The following MAP4 variants were observed in gnomAD, a reference collection of about 807,000 sequenced individuals.
MAP4 encodes the protein microtubule-associated protein 4.
MAP4 carries 76 observed loss-of-function variants against 170.2 expected under a neutral mutation model. The ratio of observed to expected loss-of-function variants is 0.45; its 90% CI spans 0.37 to 0.54. MAP4 has a LOEUF of 0.54. Ranked by LOEUF, MAP4 falls within the 20% of genes least tolerant of loss-of-function variation. The pLI, the probability that MAP4 is intolerant of heterozygous loss-of-function variation, is 0.00. For synonymous variants in MAP4, 909 were observed against 994.5 expected, an observed-to-expected ratio of 0.91 and a Z score of 1.62; for missense variants, 2,506 against 2,748.0, an observed-to-expected ratio of 0.91 and a Z score of 1.97.
chr3:47,951,099 AATTTATAAAGGTTTTAAAATT>A (rs2100063448), intron 3 of MAP4, among the ~76,000 whole-genome samples: 1 of 152,198 alleles, frequency 6.6e-6, no homozygotes, highest in Non-Finnish European at 1.5e-5. Context: ...AAACTGCTTT[AATTTATAAAGGTTTTAAAATT>A]ACATTCTTTT....
chr3:47,972,354 A>T (rs2100079264), intron 3 of MAP4, among the ~76,000 whole-genome samples: 1 of 152,214 alleles, frequency 6.6e-6, no homozygotes, highest in South Asian at 2.1e-4. Context: ...GCACTTTAGG[A>T]AGACTTTGAA....
At chr3:48,048,138 C>A (rs2100125550) in intron 1 of MAP4, among the ~76,000 whole-genome samples, 1 of 151,982 alleles carries the variant, frequency 6.6e-6, no homozygotes, top group Non-Finnish European at 1.5e-5. Flanking sequence ...AGAGAAAGTA[C>A]AAAAGAGAAA....
rs4858871 is a variant in MAP4 at position 47,911,915 on chromosome 3, A to C, written c.2506T>G (p.Leu836Val). 0.32 allele frequency: 498,389 copies of C among 1,535,588 alleles called. 85,038 individuals are homozygous for C. Among genetic ancestry groups the C allele is most frequent in the African/African-American group, 0.59 (43,340 of 72,988 alleles). Reference sequence around the variant, plus strand: ...AGTCTGGCTGCACTGGAGTTAACTAAACATTCCCTTTTCAAGTTTTCTCCA... The same window carrying C: ...AGTCTGGCTGCACTGGAGTTAACTACACATTCCCTTTTCAAGTTTTCTCCA... ...VSGENLKREC[L>V]VNSSAARLVA... The change falls in exon 9 of 21, where the codon TTA (leucine) becomes GTA (valine). Residue 836 changes from leucine (L) to valine (V), a missense_variant. Transcript: ENST00000683076. The surrounding 1 kb of genome is among the most constrained non-coding windows in gnomAD (Gnocchi z 4.0).
chr3:48,072,171 C>T (rs2100141341), intron 1 of MAP4, among the ~76,000 whole-genome samples: 1 of 152,024 alleles, frequency 6.6e-6, no homozygotes, highest in South Asian at 2.1e-4. Flanking sequence ...TTCACTCCAG[C>T]CTGGGATGGA....
intron 3 of MAP4, chr3:47,974,325 T>G (rs1444877699): frequency 1.8e-5 from 7 of 389,234 alleles, no homozygotes; most frequent in Non-Finnish European, 2.5e-5. Flanking sequence ...CTTGGGAGGC[T>G]GAGGCAGGAG....
chr3:48,025,214 A>G (rs1444149320), intron 1 of MAP4, among the ~76,000 whole-genome samples: 1 of 151,862 alleles, frequency 6.6e-6, no homozygotes, highest in African/African-American at 2.4e-5. Flanking sequence ...GTGATTTCAT[A>G]TGGCTTGACT....
At chr3:47,875,552 C>T (rs1005930964) in intron 12 of MAP4, 133 bp downstream of exon 12, 12 of 846,888 alleles carry the variant, frequency 1.4e-5, no homozygotes, top group Non-Finnish European at 2.3e-5. Context: ...TCAAATCACC[C>T]TCTCCCCCAT....
At chr3:48,052,055 G>A (rs1203270494) in intron 1 of MAP4, among the ~76,000 whole-genome samples, 1 of 152,140 alleles carries the variant, frequency 6.6e-6, no homozygotes, top group Non-Finnish European at 1.5e-5. Flanking sequence ...TCCCAGTTGT[G>A]ACCCATGAGA....
At chr3:48,059,932 C>T (rs1029173910) in intron 1 of MAP4, among the ~76,000 whole-genome samples, 3 of 150,326 alleles carry the variant, frequency 2.0e-5, no homozygotes, top group Admixed American at 6.6e-5. Flanking sequence ...GAGATTGTGC[C>T]ACTGCACTCT....
intron 3 of MAP4, among the ~76,000 whole-genome samples, chr3:47,941,557 C>T (rs1445829833): frequency 2.7e-5 from 4 of 149,134 alleles, no homozygotes; most frequent in African/African-American, 9.9e-5. Context: ...GTGGGCGGAT[C>T]AAGAGGTCAG....
intron 6 of MAP4, among the ~76,000 whole-genome samples, chr3:47,917,700 G>T (rs2100040541): frequency 6.6e-6 from 1 of 152,240 alleles, no homozygotes; most frequent in Non-Finnish European, 1.5e-5. Context: ...AGGACAAGTA[G>T]TGGAGGAGAA....
chr3:47,858,535 T>G (rs904103149), intron 17 of MAP4, among the ~76,000 whole-genome samples: 2 of 151,996 alleles, frequency 1.3e-5, no homozygotes, highest in Admixed American at 1.3e-4. Flanking sequence ...AATAACATAT[T>G]TACTTCTAGT....
At chr3:48,016,002 CTAT>C (rs1423059359) in intron 1 of MAP4, among the ~76,000 whole-genome samples, 2 of 152,146 alleles carry the variant, frequency 1.3e-5, no homozygotes, top group African/African-American at 2.4e-5. Flanking sequence ...AACAGCTGTG[CTAT>C]TACAAACTGA....
rs754516441 is a variant in MAP4, at chr3:47,909,117, G to C, written c.5304C>G (p.Thr1768=). Reference sequence around the variant, plus strand: ...AAAGTGGAGTAAGTCCTCGGGACTTGGTGGGTCTCATGTAGCCTTTCATTG... The same window carrying C: ...AAAGTGGAGTAAGTCCTCGGGACTTCGTGGGTCTCATGTAGCCTTTCATTG... The part of the protein sequence containing the change: ...AEPMKGYMRP[T]KSRGLTPLLP... The change falls in exon 9 of 21, where the codon ACC becomes ACG. Residue 1768 remains threonine (T), a synonymous_variant. Transcript: ENST00000683076. The C allele has an allele frequency of 1.2e-6, 2 of 1,613,848 alleles. No homozygotes were observed. The highest frequency in any genetic ancestry group is 2.2e-5 in the East Asian group (1 of 44,882).
chr3:48,044,814 T>C (rs966631203), intron 1 of MAP4, among the ~76,000 whole-genome samples: 13 of 151,998 alleles, frequency 8.6e-5, no homozygotes, highest in African/African-American at 2.4e-4. Context: ...CCAGGGGTGG[T>C]GGTGAGCACC....
chr3:48,011,601 C>G (rs2100105272), intron 1 of MAP4, among the ~76,000 whole-genome samples: 1 of 151,792 alleles, frequency 6.6e-6, no homozygotes. Context: ...ACCTGTGACC[C>G]ATTTACAACA....
At chr3:48,027,361 C>T (rs558499514) in intron 1 of MAP4, among the ~76,000 whole-genome samples, 1 of 152,086 alleles carries the variant, frequency 6.6e-6, no homozygotes, top group Admixed American at 6.6e-5. Flanking sequence ...AAACATCTCC[C>T]AACTCCCACC....
intron 10 of MAP4, among the ~76,000 whole-genome samples, chr3:47,890,387 A>G (rs921892067): frequency 1.3e-5 from 2 of 152,248 alleles, no homozygotes; most frequent in African/African-American, 4.8e-5. Flanking sequence ...ATACAAAAAG[A>G]GAAAACTAGA....
intron 3 of MAP4, among the ~76,000 whole-genome samples, chr3:47,957,279 C>T (rs62260768): frequency 6.6e-6 from 1 of 152,146 alleles, no homozygotes; most frequent in Non-Finnish European, 1.5e-5. Context: ...GTGATTCTCC[C>T]GCCTCAGCCT....
Sources: allele counts gnomAD v4.1 joint callset (sites outside exome capture counted in the v4.1 genomes callset), GRCh38; gene constraint gnomAD v4.1.1; non-coding constraint Gnocchi (gnomAD v3.1); transcripts MANE v1.5; gene names NCBI Gene and HGNC (gene_info 2026-07-23, HGNC 2026-07-21).